Variants in CCDC152 observed in about 807,000 individuals in gnomAD.
The protein encoded by CCDC152 is coiled-coil domain containing 152.
CCDC152 carries 37 observed loss-of-function variants against 38.1 expected under a neutral mutation model. That is an observed-to-expected ratio of 0.97 (90% confidence interval 0.75 to 1.28). The LOEUF (loss-of-function observed/expected upper bound fraction) is 1.28, where lower values mean the gene tolerates loss of function less well. CCDC152 is among the 50% of genes most tolerant of loss of function. CCDC152 has a pLI of 0.00. For missense variants in CCDC152, 259 were observed against 292.1 expected (o/e 0.89, Z 0.83); for synonymous variants, 83 against 87.1 (o/e 0.95, Z 0.26).
chr5:42,770,336 G>A (rs896695151), intron 4 of CCDC152, among the ~76,000 whole-genome samples: 3 of 152,120 alleles, frequency 2.0e-5, no homozygotes, highest in South Asian at 2.1e-4. Flanking sequence ...ATATATGTGA[G>A]ATAAAATATT....
chr5:42,764,771 A>G (rs1759603748), intron 3 of CCDC152, among the ~76,000 whole-genome samples: 1 of 152,148 alleles, frequency 6.6e-6, no homozygotes, highest in Non-Finnish European at 1.5e-5. Flanking sequence ...AAGAAACATA[A>G]CTCAACATAA....
rs369054600 is a variant in CCDC152, at chr5:42,801,304, G to T, written c.*1523G>T. On this transcript the variant is annotated 3_prime_UTR_variant, in exon 9 of 9. Transcript: ENST00000361970. ...TTATCCACAGTAGCCAAAGATACAC[G>T]TTTACAAAAGTCTTCATCTTTGAGA... 6.2e-7 allele frequency: 1 copy of T among 1,609,836 alleles called. No individual in the cohort carries two copies. The highest frequency in any genetic ancestry group is 1.3e-5 in the African/African-American group (1 of 74,850).
At position 42,801,016 on chromosome 5, in the gene CCDC152, G is replaced by A; in HGVS notation, c.*1235G>A. On this transcript the variant is annotated 3_prime_UTR_variant, in exon 9 of 9. Coordinates refer to ENST00000361970, the MANE Select transcript of CCDC152 (RefSeq NM_001134848.2). Reference sequence around the variant, plus strand: ...TCTGTGGGCAATTTACAGAGTAATTGATTTATACATCTCTTTCGACAGAGC... The same window carrying A: ...TCTGTGGGCAATTTACAGAGTAATTAATTTATACATCTCTTTCGACAGAGC... 6.2e-7 allele frequency: 1 copy of A among 1,614,158 alleles called. No individual in the cohort carries two copies. The highest frequency in any genetic ancestry group is 8.5e-7 in the Non-Finnish European group (1 of 1,179,994).
intron 6 of CCDC152, among the ~76,000 whole-genome samples, chr5:42,789,447 C>G (rs776901766): frequency 5.9e-5 from 9 of 152,176 alleles, no homozygotes; most frequent in Non-Finnish European, 8.8e-5. Flanking sequence ...ATCCACCTGC[C>G]TTGGCCTCCC....
At chr5:42,779,327 C>G (rs1361741244) in intron 4 of CCDC152, 131 bp from the exon 5 acceptor site, 1 of 638,534 alleles carries the variant, frequency 1.6e-6, no homozygotes, top group East Asian at 2.8e-5. Context: ...TAGCATGGTG[C>G]CTGAAGTGTA....
At chr5:42,770,275 A>G (rs568002770) in intron 4 of CCDC152, among the ~76,000 whole-genome samples, 1 of 152,332 alleles carries the variant, frequency 6.6e-6, no homozygotes, top group South Asian at 2.1e-4. Context: ...CTCACATCAA[A>G]TAAGCATTTC....
At position 42,800,679 on chromosome 5, in the gene CCDC152, G is replaced by C; in HGVS notation, c.*898G>C. The C allele has an allele frequency of 6.6e-7, 1 of 1,522,120 alleles. No homozygotes were observed. Among genetic ancestry groups the C allele is most frequent in the Non-Finnish European group, 8.8e-7 (1 of 1,135,886 alleles). The allele number at this position is 1,522,120 out of a possible 1,614,324, so 94.3% of individuals were successfully genotyped here. ...TTATAAAAATGCTGGAAATGAAATT[G>C]TGTCTAGACTAAATTGGGGAGTATG... On this transcript the variant is annotated 3_prime_UTR_variant, in exon 9 of 9. Transcript: ENST00000361970.
At chr5:42,779,557 C>T (rs2111563088) in intron 5 of CCDC152, 35 bp downstream of exon 5, 1 of 1,149,372 alleles carries the variant, frequency 8.7e-7, no homozygotes, top group Non-Finnish European at 1.2e-6. Context: ...AGTCAAGTCC[C>T]TGTGGAGATT....
At chr5:42,765,230 G>T (rs1895457) in intron 3 of CCDC152, among the ~76,000 whole-genome samples, 1 of 151,786 alleles carries the variant, frequency 6.6e-6, no homozygotes, top group South Asian at 2.1e-4. Flanking sequence ...TCTCTATAAT[G>T]AAAACTGTAA....
Position 42,799,823 on chromosome 5 carries a change from A to G in CCDC152, c.*42A>G, listed in dbSNP as rs16872762. The stretch of plus-strand genomic sequence containing the variant: ...ATTAGTTGGTATTTATTTAAAAGCA[A>G]TCGAAAGTTTCACTTCTGTTTTCAA... On this transcript the variant is annotated 3_prime_UTR_variant, in exon 9 of 9. Transcript: ENST00000361970. The G allele has an allele frequency of 0.022, 33,384 of 1,543,092 alleles. 1,734 individuals are homozygous for G. The highest frequency in any genetic ancestry group is 0.17 in the South Asian group (13,876 of 81,960).
intron 5 of CCDC152, among the ~76,000 whole-genome samples, chr5:42,782,729 C>CAT (rs1759862882): frequency 6.6e-6 from 1 of 151,874 alleles, no homozygotes; most frequent in Non-Finnish European, 1.5e-5. Flanking sequence ...ATATACCTCA[C>CAT]ATATTTAACA....
At chr5:42,769,188 G>C (rs1312842479) in intron 3 of CCDC152, among the ~76,000 whole-genome samples, 1 of 151,974 alleles carries the variant, frequency 6.6e-6, no homozygotes, top group Non-Finnish European at 1.5e-5. Context: ...GGCGGAGGTT[G>C]CGTGAGCCGA....
chr5:42,786,045 G>T (rs1331539906), intron 6 of CCDC152, among the ~76,000 whole-genome samples: 2 of 151,974 alleles, frequency 1.3e-5, no homozygotes, highest in African/African-American at 4.8e-5. Flanking sequence ...TTGAATCTAT[G>T]TTTATCAGGG....
At chr5:42,794,860 G>A (rs982967045) in intron 6 of CCDC152, among the ~76,000 whole-genome samples, 11 of 151,890 alleles carry the variant, frequency 7.2e-5, no homozygotes, top group African/African-American at 2.2e-4. Flanking sequence ...AAGTCAAGTA[G>A]GCATGCCATA....
intron 6 of CCDC152, among the ~76,000 whole-genome samples, chr5:42,786,457 T>C (rs145940590): frequency 2.6e-5 from 4 of 152,208 alleles, no homozygotes; most frequent in African/African-American, 7.2e-5. Context: ...TGTATTTCTG[T>C]GGTATTAGTT....
At chr5:42,778,886 C>G (rs184777687) in intron 4 of CCDC152, among the ~76,000 whole-genome samples, 125 of 152,280 alleles carry the variant, frequency 8.2e-4, no homozygotes, top group African/African-American at 3.0e-3. Context: ...ACCTCTAAAA[C>G]CAAAATCCAA....
Position 42,801,589 on chromosome 5 carries a change from T to C in CCDC152, c.*1808T>C, listed in dbSNP as rs1760204383. 2.2e-6 allele frequency: 1 copy of C among 456,508 alleles called. No homozygotes were observed. The highest frequency in any genetic ancestry group is 3.8e-6 in the Non-Finnish European group (1 of 263,088). 28.3% of individuals were successfully genotyped at this position (456,508 alleles called of 1,614,324 possible). ...GTAAACTGGCAAAAGGAACTTGGAT[T>C]GCAGGAAAGTCAAAGTAATATCAAA... is the stretch of plus-strand genomic sequence containing the variant. On this transcript the variant is annotated 3_prime_UTR_variant, in exon 9 of 9. Coordinates refer to ENST00000361970, the MANE Select transcript of CCDC152 (RefSeq NM_001134848.2).
intron 6 of CCDC152, among the ~76,000 whole-genome samples, chr5:42,795,640 A>T (rs995736707): frequency 6.6e-6 from 1 of 152,218 alleles, no homozygotes; most frequent in Non-Finnish European, 1.5e-5. Flanking sequence ...GTAAATTTCA[A>T]CCTATTTCAA....
At chr5:42,786,426 T>C (rs1210866462) in intron 6 of CCDC152, among the ~76,000 whole-genome samples, 2 of 152,140 alleles carry the variant, frequency 1.3e-5, no homozygotes, top group African/African-American at 4.8e-5. Context: ...GAAATGTTCA[T>C]AGTAGTCACT....
Sources: allele counts gnomAD v4.1 joint callset (sites outside exome capture counted in the v4.1 genomes callset), GRCh38; gene constraint gnomAD v4.1.1; transcripts MANE v1.5; gene names NCBI Gene and HGNC (gene_info 2026-07-23, HGNC 2026-07-21).